Variants in ITPR1 observed in about 807,000 individuals in gnomAD.
ITPR1 encodes inositol 1,4,5-trisphosphate receptor type 1.
In ITPR1, 96 loss-of-function variants were observed where a neutral mutation model predicts 318.4. The observed-to-expected ratio is 0.30, with a 90% CI of 0.26 to 0.36. The LOEUF is 0.36. ITPR1 is among the 10% of genes least tolerant of loss of function. The probability of loss-of-function intolerance (pLI) is 1.00; values close to 1 mark genes in which losing one functional copy is unlikely to be tolerated. For synonymous variants in ITPR1, 1,312 were observed against 1,289.9 expected, an observed-to-expected ratio of 1.02 and a Z score of -0.37; for missense variants, 2,440 against 3,460.2, an observed-to-expected ratio of 0.71 and a Z score of 7.40.
intron 34 of ITPR1, among the ~76,000 whole-genome samples, chr3:4,697,707 C>A (rs1377154296): frequency 1.3e-5 from 2 of 152,070 alleles, no homozygotes; most frequent in African/African-American, 4.8e-5. Context: ...CCACCTCAGC[C>A]TCCCAAAGTG....
At chr3:4,693,447 C>G (rs1008582816) in intron 32 of ITPR1, 43 bp from the exon 33 acceptor site, 32 of 1,594,920 alleles carry the variant, frequency 2.0e-5, no homozygotes, top group Admixed American at 1.5e-4. Context: ...GCTGCCCCAC[C>G]CCTGCAAGCT....
intron 59 of ITPR1, chr3:4,816,258 C>A (rs1285024494): frequency 1.3e-5 from 2 of 152,204 alleles, no homozygotes; most frequent in East Asian, 3.8e-4. Flanking sequence ...CCTCGTGAGC[C>A]TCCGCTGACA....
At chr3:4,644,054 T>C in intron 7 of ITPR1, 82 bp from the exon 8 acceptor site, 1 of 853,502 alleles carries the variant, frequency 1.2e-6, no homozygotes, top group Non-Finnish European at 2.0e-6. Flanking sequence ...CACAGACTCA[T>C]ATGTCTTCTA....
Position 4,688,148 on chromosome 3 carries a change from G to A in ITPR1, c.3703-347G>A, listed in dbSNP as rs1460975167. Among the ~76,000 whole-genome samples the A allele has an allele frequency of 2.0e-5, 3 of 152,252 alleles. No individual in the cohort carries two copies. In the East Asian group the frequency reaches 5.8e-4, roughly 29 times the overall value. On this transcript the variant is annotated intron_variant, in intron 30 of 61. Coordinates refer to ENST00000649015, the MANE Select transcript of ITPR1 (RefSeq NM_001378452.1). Reference sequence around the variant, plus strand: ...CTGCCCTCAAGTGATCCACCCAAAGGGGTGGGATTACAGGTATGAGCCACT... The same window carrying A: ...CTGCCCTCAAGTGATCCACCCAAAGAGGTGGGATTACAGGTATGAGCCACT...
At chr3:4,796,303 T>A (rs2047895233) in intron 53 of ITPR1, among the ~76,000 whole-genome samples, 1 of 151,538 alleles carries the variant, frequency 6.6e-6, no homozygotes, top group African/African-American at 2.4e-5. Context: ...GGGGGGATTT[T>A]TTTTTTAATG....
intron 4 of ITPR1, among the ~76,000 whole-genome samples, chr3:4,572,428 T>C (rs911004261): frequency 1.3e-5 from 2 of 152,086 alleles, no homozygotes; most frequent in African/African-American, 2.4e-5. Flanking sequence ...AGTTCTAATA[T>C]AGTATATATA....
chr3:4,840,320 G>A (rs141314128), intron 61 of ITPR1, among the ~76,000 whole-genome samples: 2,941 of 151,968 alleles, frequency 0.019, 45 homozygotes, highest in Non-Finnish European at 0.028. Flanking sequence ...AAAAAATTTT[G>A]AATTAAAAAA....
At chr3:4,496,406 G>C (rs1342620831) in intron 2 of ITPR1, among the ~76,000 whole-genome samples, 1 of 152,108 alleles carries the variant, frequency 6.6e-6, no homozygotes, top group Non-Finnish European at 1.5e-5. Context: ...ATCCTTTCAA[G>C]ATATCATTCT....
rs771592323 is a variant in ITPR1 at position 4,699,794 on chromosome 3, A to G, written c.4408-19A>G. On this transcript the variant is annotated intron_variant, in intron 34 of 61. Coordinates refer to ENST00000649015, the MANE Select transcript of ITPR1 (RefSeq NM_001378452.1). ...TGTAGGTTTTGGTGTAATGCTTAACATACCCACTTGTCTTCCAGGCCTGTA... is the reference window on the plus strand; with the variant it reads ...TGTAGGTTTTGGTGTAATGCTTAACGTACCCACTTGTCTTCCAGGCCTGTA... 1.9e-6 allele frequency: 3 copies of G among 1,613,404 alleles called. No homozygotes were observed. The South Asian group carries it at 3.3e-5, about 18-fold the overall frequency.
chr3:4,565,368 G>A (rs773873484), intron 4 of ITPR1, among the ~76,000 whole-genome samples: 16 of 152,184 alleles, frequency 1.1e-4, no homozygotes, highest in South Asian at 2.1e-4. Context: ...CTCATTGTGA[G>A]GTTAGTTTCT....
chr3:4,769,493 A>G lies in ITPR1; in HGVS notation c.5979+729A>G, dbSNP rs185592033. Among the ~76,000 whole-genome samples, 579 of 152,350 alleles carry G rather than the reference A, an allele frequency of 3.8e-3. 4 individuals carry two copies. Among genetic ancestry groups the G allele is most frequent in the African/African-American group, 0.012 (507 of 41,568 alleles). ...GTTCTGAATAAATATTTGTTGGTTG[A>G]ATGAAGGAAATGGCTGCCTTTCAGT... On this transcript the variant is annotated intron_variant, in intron 46 of 61. Coordinates refer to ENST00000649015, the MANE Select transcript of ITPR1 (RefSeq NM_001378452.1).
At chr3:4,568,810 A>G (rs1559464471) in intron 4 of ITPR1, among the ~76,000 whole-genome samples, 1 of 152,182 alleles carries the variant, frequency 6.6e-6, no homozygotes, top group Admixed American at 6.5e-5. Context: ...TTGCATTGCT[A>G]TAAAGAAATA....
chr3:4,681,556 CT>C, intron 26 of ITPR1, 138 bp downstream of exon 26: 2 of 657,922 alleles, frequency 3.0e-6, no homozygotes, highest in Non-Finnish European at 5.4e-6. Flanking sequence ...ACTGTTAGTA[CT>C]CAAGTCAGAG....
chr3:4,674,445 T>C (rs1404843001), intron 22 of ITPR1, 102 bp downstream of exon 22: 1 of 1,003,470 alleles, frequency 1.0e-6, no homozygotes, highest in East Asian at 2.8e-5. Context: ...ATTTTGGTCA[T>C]GATGCTCTGG....
At position 4,768,597 on chromosome 3, in the gene ITPR1, T is replaced by A; in HGVS notation, c.5812T>A (p.Phe1938Ile). The stretch of plus-strand genomic sequence containing the variant: ...TGCCACCAGGAAAGCCTTCACCACT[T>A]TCAGGAGGGAGGCTGATCCCGACGA... ...SAATRKAFTT[F>I]RREADPDDHY... The change falls in exon 46 of 62, where the codon TTC (phenylalanine) becomes ATC (isoleucine). Residue 1938 changes from phenylalanine to isoleucine, a missense_variant. By Grantham distance (21) the Phe-to-Ile change is conservative (BLOSUM62 0). Coordinates refer to ENST00000649015, the MANE Select transcript of ITPR1 (RefSeq NM_001378452.1). 1 of 1,613,878 alleles carries A rather than the reference T, an allele frequency of 6.2e-7. No individual in the cohort carries two copies. The highest frequency in any genetic ancestry group is 1.1e-5 in the South Asian group (1 of 91,068).
chr3:4,713,980 T>C (rs1161078140), intron 39 of ITPR1, among the ~76,000 whole-genome samples: 1 of 152,202 alleles, frequency 6.6e-6, no homozygotes. Context: ...AATGCTTGAC[T>C]GCCAGGAAAT....
chr3:4,636,428 G>C (rs1016347638), intron 5 of ITPR1, among the ~76,000 whole-genome samples: 2 of 152,096 alleles, frequency 1.3e-5, no homozygotes, highest in African/African-American at 4.8e-5. Context: ...TGATATTTGA[G>C]AATGTCTTAT....
intron 4 of ITPR1, among the ~76,000 whole-genome samples, chr3:4,585,894 T>C: frequency 6.6e-6 from 1 of 152,140 alleles, no homozygotes; most frequent in East Asian, 1.9e-4. Flanking sequence ...TCATTAGATA[T>C]TTCTCCTAAT....
rs200754547 is a variant in ITPR1 at position 4,545,546 on chromosome 3, CT to C, written c.163+24453del. The stretch of plus-strand genomic sequence containing the variant: ...GCTGAGGTGTAAGGATCTCTGGACC[CT>C]AGGAGACTGAAGCTGAAGTGAGCCA... On this transcript the variant is annotated intron_variant, in intron 4 of 61. Coordinates refer to ENST00000649015, the MANE Select transcript of ITPR1 (RefSeq NM_001378452.1). Among the ~76,000 whole-genome samples, 1,355 of 148,996 alleles carry C rather than the reference CT, an allele frequency of 9.1e-3. 21 individuals are homozygous for C. Among genetic ancestry groups the C allele is most frequent in the African/African-American group, 0.032 (1,279 of 40,088 alleles).
Sources: gnomAD v4.1 joint callset for allele counts (sites outside exome capture counted in the v4.1 genomes callset) on GRCh38, gnomAD v4.1.1 for gene constraint, MANE v1.5 for transcripts, NCBI Gene and HGNC (gene_info 2026-07-23, HGNC 2026-07-21) for gene names.